Variants in ESR2 observed in about 807,000 individuals in gnomAD.
ESR2 encodes estrogen receptor 2, also known as estrogen receptor beta.
ESR2 carries 36 observed loss-of-function variants against 49.6 expected under a neutral mutation model. The observed-to-expected ratio is 0.73, with a 90% confidence interval of 0.56 to 0.96. The LOEUF (loss-of-function observed/expected upper bound fraction) is 0.96, where lower values mean the gene tolerates loss of function less well. Ranked by LOEUF, ESR2 falls within the 40% of genes least tolerant of loss-of-function variation. The probability of loss-of-function intolerance (pLI) is 0.00; values close to 1 mark genes in which losing one functional copy is unlikely to be tolerated. For missense variants in ESR2, 714 were observed against 693.0 expected, an observed-to-expected ratio of 1.03 and a Z score of -0.34; for synonymous variants, 320 against 266.1, an observed-to-expected ratio of 1.20 and a Z score of -1.97.
At chr14:64,307,259 T>C (rs2077115133) in intron 1 of ESR2, among the ~76,000 whole-genome samples, 1 of 152,096 alleles carries the variant, frequency 6.6e-6, no homozygotes. Context: ...TCACCCAGGC[T>C]GGAGTGCAGT....
At chr14:64,244,291 T>C (rs1206889353) in intron 7 of ESR2, among the ~76,000 whole-genome samples, 1 of 151,814 alleles carries the variant, frequency 6.6e-6, no homozygotes, top group Non-Finnish European at 1.5e-5. Flanking sequence ...TCTCAGCTAC[T>C]CTGGAAGCTG....
intron 1 of ESR2, chr14:64,336,444 T>C (rs1209740176): frequency 6.6e-6 from 1 of 152,238 alleles, no homozygotes; most frequent in Non-Finnish European, 1.5e-5. Flanking sequence ...GTCTTCATTT[T>C]ATTTGATCAG....
rs995614971 is a variant in ESR2, at chr14:64,272,221, C to A, written c.536-3310G>T. On this transcript the variant is annotated intron_variant, in intron 3 of 8. Coordinates refer to ENST00000341099, the MANE Select transcript of ESR2 (RefSeq NM_001437.3). ...CTTCTTTTGAGAAATGTTTACTCAG[C>A]TCTTTTGCCCATTTTTAAATTGGAT... is the stretch of plus-strand genomic sequence containing the variant. Among the ~76,000 whole-genome samples the A allele has an allele frequency of 3.3e-5, 5 of 152,286 alleles. No individual in the cohort carries two copies. In the East Asian group the frequency reaches 9.6e-4, roughly 29 times the overall value.
Position 64,242,439 on chromosome 14 carries a change from ACAAAC to A in ESR2, c.1225+7102_1225+7106del, listed in dbSNP as rs1567735126. Among the ~76,000 whole-genome samples the A allele has an allele frequency of 6.8e-3, 640 of 93,558 alleles. 5 individuals are homozygous for A. Among genetic ancestry groups the A allele is most frequent in the African/African-American group, 0.043 (602 of 13,950 alleles). The allele number at this position is 93,558 out of a possible 152,430, so 61.4% of individuals were successfully genotyped here. A position where few individuals can be genotyped will look rare whatever the true frequency, so the allele number is the denominator to read the frequency against. ...AAAACAAAAAAAACAAAACAAACAAACAAACAAAAAAAATATATATATATATATAA... is the reference window on the plus strand; with the variant it reads ...AAAACAAAAAAAACAAAACAAACAAAAAAAAAAATATATATATATATATAA... On this transcript the variant is annotated intron_variant, in intron 7 of 8. Coordinates refer to ENST00000341099, the MANE Select transcript of ESR2 (RefSeq NM_001437.3).
upstream of ESR2, among the ~76,000 whole-genome samples, chr14:64,294,683 G>C (rs561252218): frequency 6.6e-6 from 1 of 152,346 alleles, no homozygotes; most frequent in South Asian, 2.1e-4. Flanking sequence ...ACCACACTTC[G>C]AGGATCACGT....
intron 6 of ESR2, among the ~76,000 whole-genome samples, chr14:64,251,900 G>A (rs1327431043): frequency 6.6e-6 from 1 of 152,198 alleles, no homozygotes; most frequent in Admixed American, 6.5e-5. Flanking sequence ...TTTCAGATGA[G>A]TTACACAGAA....
chr14:64,272,014 C>T (rs2076457314), intron 3 of ESR2, among the ~76,000 whole-genome samples: 1 of 152,188 alleles, frequency 6.6e-6, no homozygotes, highest in Non-Finnish European at 1.5e-5. Flanking sequence ...AATTTACAAT[C>T]TGACCAACAG....
upstream of ESR2, among the ~76,000 whole-genome samples, chr14:64,298,196 A>AT (rs1250530767): frequency 2.6e-5 from 4 of 152,170 alleles, no homozygotes; most frequent in Non-Finnish European, 5.9e-5. Context: ...TTTATTGAGC[A>AT]TTTTTCTAGC....
chr14:64,295,032 C>T (rs2076937820), upstream of ESR2, among the ~76,000 whole-genome samples: 1 of 152,248 alleles, frequency 6.6e-6, no homozygotes, highest in Non-Finnish European at 1.5e-5. Flanking sequence ...CTCGCGCCCC[C>T]TGGTGGCAGC....
In ESR2 at chr14:64,231,257, GATA is replaced by G. The variant is rs1163799965; in HGVS notation, c.*1877_*1879del. 6.6e-6 allele frequency: 1 copy of G among 152,180 alleles called. No homozygotes were observed. Among genetic ancestry groups the G allele is most frequent in the Non-Finnish European group, 1.5e-5 (1 of 68,042 alleles). The allele number at this position is 152,180 out of a possible 1,614,324, so 9.4% of individuals were successfully genotyped here. A position where few individuals can be genotyped will look rare whatever the true frequency, so the allele number is the denominator to read the frequency against. On this transcript the variant is annotated 3_prime_UTR_variant, in exon 9 of 9. Transcript: ENST00000341099. Reference sequence around the variant, plus strand: ...TACATTTAATAGAATTTCACTGGCAGATAATGAGTTGCTGAAGGCTGCCTTCTT... The same window carrying G: ...TACATTTAATAGAATTTCACTGGCAGATGAGTTGCTGAAGGCTGCCTTCTT...
upstream of ESR2, among the ~76,000 whole-genome samples, chr14:64,295,847 C>G (rs2076949035): frequency 6.6e-6 from 1 of 152,038 alleles, no homozygotes; most frequent in African/African-American, 2.4e-5. Context: ...AGTTTGAGAC[C>G]AGCCTGACCA....
chr14:64,274,610 T>G (rs192309432), intron 3 of ESR2, among the ~76,000 whole-genome samples: 2 of 152,268 alleles, frequency 1.3e-5, no homozygotes, highest in East Asian at 3.9e-4. Context: ...TATTTCTGCT[T>G]TGATCTTTTT....
chr14:64,333,510 C>T (rs2077488730), intron 1 of ESR2, among the ~76,000 whole-genome samples: 2 of 152,222 alleles, frequency 1.3e-5, no homozygotes, highest in Admixed American at 1.3e-4. Context: ...CATTTTCACA[C>T]TGCTGATAAA....
chr14:64,262,657 T>C (rs1596410921), intron 4 of ESR2, among the ~76,000 whole-genome samples: 1 of 142,682 alleles, frequency 7.0e-6, no homozygotes, highest in East Asian at 2.2e-4. Flanking sequence ...AGGCCAAAGG[T>C]GGTTTCGGCG....
At chr14:64,261,745 T>C (rs68183024) in intron 4 of ESR2, among the ~76,000 whole-genome samples, 26,742 of 152,072 alleles carry the variant, frequency 0.18, 3,883 homozygotes, top group African/African-American at 0.4. Flanking sequence ...GATTGTAGTA[T>C]CTACACTATT....
At position 64,249,726 on chromosome 14, in the gene ESR2, C is replaced by A. The variant is rs1197457935; in HGVS notation, c.1092-47G>T. The A allele has an allele frequency of 8.3e-6, 13 of 1,557,964 alleles. No individual in the cohort carries two copies. The Admixed American group carries it at 1.2e-4, about 15-fold the overall frequency. ...TTTAAGGAACATAGCTTCAGGAAACCATCAAAAAAACAATAAGGAATGTTT... is the reference window on the plus strand; with the variant it reads ...TTTAAGGAACATAGCTTCAGGAAACAATCAAAAAAACAATAAGGAATGTTT... On this transcript the variant is annotated intron_variant, in intron 6 of 8. Transcript: ENST00000341099.
chr14:64,266,237 A>C (rs1400112622), intron 4 of ESR2, among the ~76,000 whole-genome samples: 2 of 151,794 alleles, frequency 1.3e-5, no homozygotes, highest in Admixed American at 1.3e-4. Flanking sequence ...ATGGAAGGAA[A>C]ACTAAAATTG....
intron 3 of ESR2, among the ~76,000 whole-genome samples, chr14:64,278,081 T>C (rs2076593050): frequency 1.3e-5 from 2 of 152,156 alleles, no homozygotes; most frequent in Non-Finnish European, 2.9e-5. Context: ...TACAAAATAG[T>C]CATCGTATCA....
chr14:64,228,117 C>A (rs1373415476), downstream of ESR2: 24 of 1,229,788 alleles, frequency 2.0e-5, no homozygotes, highest in Middle Eastern at 2.7e-4. Context: ...TAAGAAGATA[C>A]ATTAAAGCAG....
Sources: gnomAD v4.1 joint callset for allele counts (sites outside exome capture counted in the v4.1 genomes callset) on GRCh38, gnomAD v4.1.1 for gene constraint, MANE v1.5 for transcripts, NCBI Gene and HGNC (gene_info 2026-07-23, HGNC 2026-07-21) for gene names.